Variants in CNTN3 observed in about 807,000 individuals in gnomAD.
CNTN3 encodes the protein contactin-3.
A neutral mutation model predicts 119.1 loss-of-function variants in CNTN3; 60 were observed. The ratio of observed to expected loss-of-function variants is 0.50; its 90% CI spans 0.41 to 0.62. The LOEUF (loss-of-function observed/expected upper bound fraction) is 0.62. Among genes scored for constraint, CNTN3 ranks in the 20% least tolerant of loss-of-function variants. The probability of loss-of-function intolerance (pLI) is 0.00; values close to 1 mark genes in which losing one functional copy is unlikely to be tolerated. For synonymous variants in CNTN3, 450 were observed against 438.7 expected, an observed-to-expected ratio of 1.03 and a Z score of -0.32; for missense variants, 1,101 against 1,242.4, an observed-to-expected ratio of 0.89 and a Z score of 1.71.
intron 13 of CNTN3, among the ~76,000 whole-genome samples, chr3:74,316,210 G>A (rs1263481805): frequency 2.6e-5 from 4 of 152,018 alleles, no homozygotes; most frequent in East Asian, 1.9e-4. Flanking sequence ...GAAGATATAC[G>A]AGTGGCCAAA....
At chr3:74,428,290 A>C (rs1052987839) in intron 4 of CNTN3, among the ~76,000 whole-genome samples, 1 of 152,108 alleles carries the variant, frequency 6.6e-6, no homozygotes, top group African/African-American at 2.4e-5. Flanking sequence ...GTTAACCATA[A>C]AACAGCCTGA....
At chr3:74,497,890 C>A (rs1575784040) in intron 3 of CNTN3, among the ~76,000 whole-genome samples, 1 of 151,904 alleles carries the variant, frequency 6.6e-6, no homozygotes, top group East Asian at 1.9e-4. Flanking sequence ...GACTCCATGG[C>A]ATTACAATAG....
chr3:74,493,240 C>G (rs1412602958), intron 3 of CNTN3, among the ~76,000 whole-genome samples: 2 of 152,078 alleles, frequency 1.3e-5, no homozygotes, highest in Non-Finnish European at 2.9e-5. Context: ...TTTAAAGCAG[C>G]AGGCTCTAAA....
chr3:74,384,093 G>C (rs1372364532), intron 5 of CNTN3, among the ~76,000 whole-genome samples: 1 of 152,118 alleles, frequency 6.6e-6, no homozygotes, highest in African/African-American at 2.4e-5. Context: ...TCTATTTACA[G>C]TTATCCCTAG....
intron 4 of CNTN3, among the ~76,000 whole-genome samples, chr3:74,457,180 T>C (rs1261491925): frequency 6.6e-6 from 1 of 152,076 alleles, no homozygotes; most frequent in East Asian, 1.9e-4. Flanking sequence ...ATTATAAAAT[T>C]GTCTTTGTTG....
At chr3:74,425,658 A>G (rs889374540) in intron 4 of CNTN3, among the ~76,000 whole-genome samples, 8 of 152,224 alleles carry the variant, frequency 5.3e-5, no homozygotes, top group African/African-American at 1.9e-4. Context: ...GATTCACCAT[A>G]TCATGAATAC....
rs551559223 is a variant in CNTN3 at position 74,543,535 on chromosome 3, T to G, written c.-80-22343A>C. On this transcript the variant is annotated intron_variant, in intron 1 of 22. Transcript: ENST00000263665. ...ACATTAATGAATATAAATAAGCTAA[T>G]GTATTTTCCAGGTAAAATGATATAA... Among the ~76,000 whole-genome samples the G allele has an allele frequency of 2.0e-5, 3 of 152,310 alleles. No homozygotes were observed. The South Asian group carries it at 6.2e-4, about 32-fold the overall frequency.
intron 5 of CNTN3, among the ~76,000 whole-genome samples, chr3:74,401,664 T>C (rs1284053838): frequency 6.6e-6 from 1 of 152,168 alleles, no homozygotes; most frequent in African/African-American, 2.4e-5. Flanking sequence ...AACTACCTTT[T>C]AGAGCATAAT....
At chr3:74,469,782 C>CA (rs1575757636) in intron 4 of CNTN3, among the ~76,000 whole-genome samples, 1 of 152,112 alleles carries the variant, frequency 6.6e-6, no homozygotes, top group African/African-American at 2.4e-5. Context: ...CTTTAGAAAA[C>CA]AGTCTGCCGT....
chr3:74,293,993 A>T (rs1490697399), intron 19 of CNTN3, among the ~76,000 whole-genome samples: 2 of 152,204 alleles, frequency 1.3e-5, no homozygotes, highest in Non-Finnish European at 2.9e-5. Flanking sequence ...CAAGAATCTG[A>T]CTTGCTAGGC....
chr3:74,405,736 T>A (rs1398283925), intron 5 of CNTN3, among the ~76,000 whole-genome samples: 1 of 152,106 alleles, frequency 6.6e-6, no homozygotes, highest in African/African-American at 2.4e-5. Context: ...CATACCTTTT[T>A]AAACATGTAT....
chr3:74,389,567 C>G (rs900027247), intron 5 of CNTN3, among the ~76,000 whole-genome samples: 2 of 151,978 alleles, frequency 1.3e-5, no homozygotes. Flanking sequence ...GAGAATTGAC[C>G]GTGTCATGTG....
intron 11 of CNTN3, among the ~76,000 whole-genome samples, chr3:74,353,371 G>C (rs569925169): frequency 2.6e-5 from 4 of 152,302 alleles, no homozygotes; most frequent in Non-Finnish European, 5.9e-5. Flanking sequence ...GGCAAAAGTG[G>C]CCAGTTAGGA....
chr3:74,364,128 A>G (rs926293430), intron 10 of CNTN3, among the ~76,000 whole-genome samples: 2 of 152,088 alleles, frequency 1.3e-5, no homozygotes, highest in African/African-American at 4.8e-5. Flanking sequence ...GGTATTTGCT[A>G]TTACGGACCA....
intron 1 of CNTN3, among the ~76,000 whole-genome samples, chr3:74,574,521 G>A (rs923439385): frequency 2.0e-5 from 3 of 152,100 alleles, no homozygotes; most frequent in African/African-American, 7.2e-5. Context: ...ATTAAACCAC[G>A]TTTAGGTTTA....
At chr3:74,455,720 G>T (rs1702255820) in intron 4 of CNTN3, among the ~76,000 whole-genome samples, 1 of 152,058 alleles carries the variant, frequency 6.6e-6, no homozygotes, top group African/African-American at 2.4e-5. Flanking sequence ...CCTTCTAACA[G>T]ACAGGACTCT....
chr3:74,533,787 T>C (rs944469439), intron 1 of CNTN3, among the ~76,000 whole-genome samples: 2 of 152,058 alleles, frequency 1.3e-5, no homozygotes, highest in African/African-American at 4.8e-5. Context: ...TTTTGAGCTC[T>C]AGTGCAGAGA....
chr3:74,464,234 G>A (rs1418386118), intron 4 of CNTN3, among the ~76,000 whole-genome samples: 2 of 152,044 alleles, frequency 1.3e-5, no homozygotes, highest in Non-Finnish European at 2.9e-5. Flanking sequence ...AATTGCTCAA[G>A]TATAATTTAT....
chr3:74,603,499 T>G (rs753362654), intron 1 of CNTN3, among the ~76,000 whole-genome samples: 8 of 152,166 alleles, frequency 5.3e-5, no homozygotes, highest in Non-Finnish European at 1.0e-4. Context: ...ACAGCTCTCA[T>G]GCAACGCAGA....
Sources: allele counts gnomAD v4.1 joint callset (sites outside exome capture counted in the v4.1 genomes callset), GRCh38; gene constraint gnomAD v4.1.1; transcripts MANE v1.5; gene names NCBI Gene and HGNC (gene_info 2026-07-23, HGNC 2026-07-21).